Variants in SLC43A2 observed in about 807,000 individuals in gnomAD.
The protein encoded by SLC43A2 is solute carrier family 43 member 2, also known as large neutral amino acids transporter small subunit 4.
Under a neutral mutation model 63.2 loss-of-function variants are expected in SLC43A2, and 38 were observed. The observed-to-expected ratio is 0.60, with a 90% confidence interval of 0.46 to 0.79. The LOEUF (loss-of-function observed/expected upper bound fraction) is 0.79. SLC43A2 is among the 30% of genes least tolerant of loss of function. SLC43A2 has a pLI of 0.00. For synonymous variants in SLC43A2, 322 were observed against 331.0 expected (o/e 0.97, Z 0.30); for missense variants, 644 against 756.2 (o/e 0.85, Z 1.74).
In SLC43A2 at chr17:1,583,295, T is replaced by C. The variant is rs2076049457; in HGVS notation, c.1259A>G (p.Lys420Arg). Reference sequence around the variant, plus strand: ...GAAGGCCCGCATGGCATTAGTGATCTTCTGGATCTGCCGGTCCCGCTTCTT... The same window carrying C: ...GAAGGCCCGCATGGCATTAGTGATCCTCTGGATCTGCCGGTCCCGCTTCTT... ...KKKKRDRQIQKITNAMRAFAF... is the reference protein window; with the variant it reads ...KKKKRDRQIQRITNAMRAFAF... Residue 420 changes from lysine to arginine, a missense_variant, in exon 11 of 14, where the codon AAG becomes AGG. Coordinates refer to ENST00000301335, the MANE Select transcript of SLC43A2 (RefSeq NM_152346.3). This position sits in a 1 kb window ranked among gnomAD's most constrained non-coding sequence, Gnocchi z 5.5. The C allele has an allele frequency of 6.2e-7, 1 of 1,614,156 alleles. No homozygotes were observed. Among genetic ancestry groups the C allele is most frequent in the Non-Finnish European group, 8.5e-7 (1 of 1,180,012 alleles).
intron 3 of SLC43A2, chr17:1,616,338 G>T: frequency 1.8e-6 from 1 of 556,832 alleles, no homozygotes; most frequent in Non-Finnish European, 3.2e-6. Context: ...CGGTCCCTGG[G>T]CGGCCTGGAG....
At position 1,593,342 on chromosome 17, in the gene SLC43A2, G is replaced by A; in HGVS notation, c.502-63C>T. 2 of 1,487,576 alleles carry A rather than the reference G, an allele frequency of 1.3e-6. No homozygotes were observed. Among genetic ancestry groups the A allele is most frequent in the Admixed American group, 1.8e-5 (1 of 55,000 alleles). 92.1% of individuals were successfully genotyped at this position (1,487,576 alleles called of 1,614,324 possible). A position where few individuals can be genotyped will look rare whatever the true frequency, so the allele number is the denominator to read the frequency against. On this transcript the variant is annotated intron_variant, in intron 5 of 13. Coordinates refer to ENST00000301335, the MANE Select transcript of SLC43A2 (RefSeq NM_152346.3). This position sits in a 1 kb window ranked among gnomAD's most constrained non-coding sequence, Gnocchi z 5.3. ...ATGCACCAGGGAAGGGGAGGAGGAG[G>A]GGACAGAGAACTAGGCCCCATGAGG...
chr17:1,599,294 C>T (rs551453471), intron 5 of SLC43A2, among the ~76,000 whole-genome samples: 131 of 151,794 alleles, frequency 8.6e-4, no homozygotes, highest in Non-Finnish European at 1.7e-3. Flanking sequence ...GAGCCAAGAT[C>T]ATGCCACTGC....
intron 2 of SLC43A2, among the ~76,000 whole-genome samples, chr17:1,626,254 G>T (rs1054539): frequency 2.0e-5 from 3 of 149,700 alleles, no homozygotes; most frequent in Non-Finnish European, 3.0e-5. Context: ...CGATCTCTAA[G>T]GGGGGAGAGA....
Position 1,606,806 on chromosome 17 carries a change from C to T in SLC43A2, c.501+6389G>A, listed in dbSNP as rs1016579051. ...GCGTCCGCCCTCCACGGATGGCACG[C>T]GATGGCCCAGGCCCTGTGCTGCAGG... On this transcript the variant is annotated intron_variant, in intron 5 of 13. Coordinates refer to ENST00000301335, the MANE Select transcript of SLC43A2 (RefSeq NM_152346.3). This position sits in a 1 kb window ranked among gnomAD's most constrained non-coding sequence, Gnocchi z 4.7. 8.5e-5 allele frequency among the ~76,000 whole-genome samples: 13 copies of T among 152,248 alleles called. No individual in the cohort carries two copies. The highest frequency in any genetic ancestry group is 2.9e-4 in the African/African-American group (12 of 41,460).
rs983329869 is a variant in SLC43A2 at position 1,569,653 on chromosome 17, G to A, written c.*5951C>T. On this transcript the variant is annotated 3_prime_UTR_variant, in exon 14 of 14. Coordinates refer to ENST00000301335, the MANE Select transcript of SLC43A2 (RefSeq NM_152346.3). ...CGGTCCCGCAGCTGTATGAGGATGCGGTGTACAGGTGCTGCCTACGTGACC... is the reference window on the plus strand; with the variant it reads ...CGGTCCCGCAGCTGTATGAGGATGCAGTGTACAGGTGCTGCCTACGTGACC... The A allele has an allele frequency of 5.3e-5, 8 of 152,336 alleles. No individual in the cohort carries two copies. Among genetic ancestry groups the A allele is most frequent in the East Asian group, 1.9e-4 (1 of 5,194 alleles). 9.4% of individuals were successfully genotyped at this position (152,336 alleles called of 1,614,324 possible). A position where few individuals can be genotyped will look rare whatever the true frequency, so the allele number is the denominator to read the frequency against.
At chr17:1,594,357 G>C (rs566207473) in intron 5 of SLC43A2, among the ~76,000 whole-genome samples, 33 of 152,248 alleles carry the variant, frequency 2.2e-4, no homozygotes, top group African/African-American at 7.5e-4. Context: ...CAGGCCTAGG[G>C]CAAACTACAT....
intron 13 of SLC43A2, 26 bp from the exon 14 acceptor site, chr17:1,575,791 C>T (rs1315884929): frequency 3.8e-6 from 6 of 1,592,130 alleles, no homozygotes; most frequent in African/African-American, 1.3e-5. Context: ...GGCCGCGCAT[C>T]ACAGGGCGTG....
At chr17:1,595,549 G>A (rs188164813) in intron 5 of SLC43A2, among the ~76,000 whole-genome samples, 2 of 152,076 alleles carry the variant, frequency 1.3e-5, no homozygotes, top group African/African-American at 2.4e-5. Context: ...AAGTTCAAGC[G>A]AGTCTCCTGC....
chr17:1,619,830 C>T (rs74724166), intron 2 of SLC43A2, among the ~76,000 whole-genome samples: 6,561 of 152,274 alleles, frequency 0.043, 189 homozygotes, highest in Middle Eastern at 0.12. Flanking sequence ...GGAGAGAGCA[C>T]GCCAGGGCCC....
chr17:1,596,982 C>T (rs765707990), intron 5 of SLC43A2, among the ~76,000 whole-genome samples: 21 of 151,976 alleles, frequency 1.4e-4, no homozygotes, highest in Non-Finnish European at 1.6e-4. Context: ...TTTGGGAGGC[C>T]GAAGCGGGCG....
intron 5 of SLC43A2, chr17:1,604,975 C>T (rs982937033): frequency 4.8e-6 from 7 of 1,461,192 alleles, no homozygotes; most frequent in Non-Finnish European, 5.4e-6. Context: ...AGCGCCCTAG[C>T]GCGGGCCTCG....
intron 9 of SLC43A2, among the ~76,000 whole-genome samples, chr17:1,587,675 C>T (rs1904344041): frequency 6.6e-6 from 1 of 151,348 alleles, no homozygotes; most frequent in Non-Finnish European, 1.5e-5. Flanking sequence ...TCCATCACTC[C>T]AGGCCTCGTT....
At position 1,593,274 on chromosome 17, in the gene SLC43A2, G is replaced by A. The variant is rs1000669204; in HGVS notation, c.507C>T (p.Pro169=). Residue 169 remains proline (P), a synonymous_variant, in exon 6 of 14, where the codon CCC becomes CCT. Transcript: ENST00000301335. This position sits in a 1 kb window ranked among gnomAD's most constrained non-coding sequence, Gnocchi z 5.3. ...MCMTFTSLTL[P]NMFGDLRSTF... ...TGGACCGAAGGTCGCCGAACATGTTGGGCAGCTGAGAGATAAGAAGCAGAG... is the reference window on the plus strand; with the variant it reads ...TGGACCGAAGGTCGCCGAACATGTTAGGCAGCTGAGAGATAAGAAGCAGAG... The A allele has an allele frequency of 1.2e-6, 2 of 1,613,520 alleles. No individual in the cohort carries two copies. Among genetic ancestry groups the A allele is most frequent in the African/African-American group, 1.3e-5 (1 of 74,920 alleles).
Position 1,606,283 on chromosome 17 carries a change from C to A in SLC43A2, c.501+6912G>T, listed in dbSNP as rs1045221202. Among the ~76,000 whole-genome samples the A allele has an allele frequency of 6.6e-6, 1 of 152,168 alleles. No individual in the cohort carries two copies. Among genetic ancestry groups the A allele is most frequent in the African/African-American group, 2.4e-5 (1 of 41,438 alleles). ...CTGTCCCCTCTCTGGGGGCATCTGC[C>A]ATCCTGCCCTCCTCTCCAGGATCTG... On this transcript the variant is annotated intron_variant, in intron 5 of 13. Transcript: ENST00000301335. The surrounding 1 kb of genome is among the most constrained non-coding windows in gnomAD (Gnocchi z 4.7).
chr17:1,582,156 T>C (rs1466624749), intron 11 of SLC43A2, among the ~76,000 whole-genome samples: 1 of 151,792 alleles, frequency 6.6e-6, no homozygotes, highest in Admixed American at 6.6e-5. Context: ...CTCAGTTCAC[T>C]GCAACCTCCG....
chr17:1,581,304 A>G (rs1454853463), intron 11 of SLC43A2, among the ~76,000 whole-genome samples: 2 of 152,206 alleles, frequency 1.3e-5, no homozygotes, highest in African/African-American at 4.8e-5. Context: ...ATAAAACAAA[A>G]AGATGACTGT....
intron 5 of SLC43A2, among the ~76,000 whole-genome samples, chr17:1,594,700 G>A (rs1175277028): frequency 4.1e-5 from 6 of 147,776 alleles, no homozygotes; most frequent in Admixed American, 1.4e-4. Context: ...CCATTCTCCT[G>A]CCTCAGCCTC....
At chr17:1,615,435 G>C (rs1907505379) in intron 3 of SLC43A2, among the ~76,000 whole-genome samples, 1 of 150,722 alleles carries the variant, frequency 6.6e-6, no homozygotes, top group Non-Finnish European at 1.5e-5. Context: ...TTTTGTATAT[G>C]TATTATAAAG....
Sources: gnomAD v4.1 joint callset for allele counts (sites outside exome capture counted in the v4.1 genomes callset) on GRCh38, gnomAD v4.1.1 for gene constraint, Gnocchi (gnomAD v3.1) non-coding constraint, MANE v1.5 for transcripts, NCBI Gene and HGNC (gene_info 2026-07-23, HGNC 2026-07-21) for gene names.